The following CSNK1A1 variants were observed in gnomAD, a reference collection of about 807,000 sequenced individuals.
CSNK1A1 encodes the protein casein kinase I isoform alpha.
CSNK1A1 carries 7 observed loss-of-function variants against 46.1 expected under a neutral mutation model. That is an observed-to-expected ratio of 0.15 (90% CI 0.09 to 0.29). CSNK1A1 has a LOEUF of 0.29. Ranked by LOEUF, CSNK1A1 falls within the 10% of genes least tolerant of loss-of-function variation. The pLI is 1.00. For missense variants in CSNK1A1, 96 were observed against 417.1 expected (o/e 0.23, Z 6.71); for synonymous variants, 137 against 141.5 (o/e 0.97, Z 0.23).
chr5:149,512,201 A>T (rs969530510), intron 5 of CSNK1A1, among the ~76,000 whole-genome samples: 1 of 150,900 alleles, frequency 6.6e-6, no homozygotes, highest in Non-Finnish European at 1.5e-5. Context: ...GAAACTCATT[A>T]AAAAAAAACT....
chr5:149,529,657 G>A (rs766981157), intron 2 of CSNK1A1: 17 of 455,100 alleles, frequency 3.7e-5, no homozygotes, highest in African/African-American at 3.2e-4. Flanking sequence ...GAAGAGTCAA[G>A]GTGGCAGATA....
chr5:149,511,608 C>A (rs186012722), intron 6 of CSNK1A1, among the ~76,000 whole-genome samples, 186 bp downstream of exon 6: 23 of 152,264 alleles, frequency 1.5e-4, no homozygotes, highest in Admixed American at 1.1e-3. Flanking sequence ...TTCAGCTGAA[C>A]TAAGTTCTTA....
At chr5:149,526,836 T>C (rs1324967662) in intron 2 of CSNK1A1, among the ~76,000 whole-genome samples, 1 of 152,148 alleles carries the variant, frequency 6.6e-6, no homozygotes, top group East Asian at 1.9e-4. Flanking sequence ...ATAGGTCTCA[T>C]AGTCAGGTAT....
intron 4 of CSNK1A1, among the ~76,000 whole-genome samples, chr5:149,515,703 C>T (rs1210952399): frequency 6.6e-6 from 1 of 152,188 alleles, no homozygotes; most frequent in Non-Finnish European, 1.5e-5. Flanking sequence ...TAGTAGCTCT[C>T]TCTGTATGCT....
chr5:149,534,640 A>G lies in CSNK1A1; in HGVS notation c.231-9469T>C, dbSNP rs146529146. On this transcript the variant is annotated intron_variant, in intron 2 of 9. Coordinates refer to ENST00000377843, the MANE Select transcript of CSNK1A1 (RefSeq NM_001892.6). ...TTTACTGTGTCATTTCTCTGTTATAAAAACTAAAGGAGCCATGCGATAGCT... is the reference window on the plus strand; with the variant it reads ...TTTACTGTGTCATTTCTCTGTTATAGAAACTAAAGGAGCCATGCGATAGCT... 1.1e-3 allele frequency among the ~76,000 whole-genome samples: 164 copies of G among 152,126 alleles called. 1 individual carries two copies. The East Asian group carries it at 0.03, about 28-fold the overall frequency.
In CSNK1A1 at chr5:149,516,270, TCGCACCA is replaced by T. The variant is rs1170886805; in HGVS notation, c.457-3068_457-3062del. Among the ~76,000 whole-genome samples, 33 of 151,780 alleles carry T rather than the reference TCGCACCA, an allele frequency of 2.2e-4. 1 individual carries two copies. The highest frequency in any genetic ancestry group is 6.8e-4 in the African/African-American group (28 of 41,380). On this transcript the variant is annotated intron_variant, in intron 4 of 9. Coordinates refer to ENST00000377843, the MANE Select transcript of CSNK1A1 (RefSeq NM_001892.6). ...AGGTGGAAGTTGCAGTGGGCCAAGATCGCACCACTGCACTCTACACTCCTGCCTGGGC... is the reference window on the plus strand; with the variant it reads ...AGGTGGAAGTTGCAGTGGGCCAAGATCTGCACTCTACACTCCTGCCTGGGC...
intron 9 of CSNK1A1, chr5:149,500,901 AGG>A (rs1760835120): frequency 1.2e-6 from 1 of 806,538 alleles, no homozygotes; most frequent in Non-Finnish European, 1.5e-6. Flanking sequence ...TTTTAAGTAT[AGG>A]AGGTATACAC....
chr5:149,510,644 A>AT (rs973320239), intron 6 of CSNK1A1, among the ~76,000 whole-genome samples: 91 of 144,248 alleles, frequency 6.3e-4, no homozygotes, highest in South Asian at 2.2e-3. Context: ...ACACCCTGCT[A>AT]TTTTTTTTTT....
At chr5:149,501,429 C>G in intron 9 of CSNK1A1, 1 of 985,452 alleles carries the variant, frequency 1.0e-6, no homozygotes, top group Non-Finnish European at 1.2e-6. Context: ...ACATTCCTAG[C>G]AGCAATTGGT....
Position 149,525,363 on chromosome 5 carries a change from T to C in CSNK1A1, c.231-192A>G, listed in dbSNP as rs1004698790. 2.6e-5 allele frequency among the ~76,000 whole-genome samples: 4 copies of C among 152,088 alleles called. No homozygotes were observed. Among genetic ancestry groups the C allele is most frequent in the South Asian group, 2.1e-4 (1 of 4,816 alleles). ...ACAAGGGTAATGAGACTTTTTTTTT[T>C]CCCTGTCATGCAACTCCATTCTCCT... On this transcript the variant is annotated intron_variant, in intron 2 of 9. Coordinates refer to ENST00000377843, the MANE Select transcript of CSNK1A1 (RefSeq NM_001892.6). This position sits in a 1 kb window ranked among gnomAD's most constrained non-coding sequence, Gnocchi z 4.2.
In CSNK1A1 at chr5:149,550,893, C is replaced by T. The variant is rs766766571; in HGVS notation, c.72G>A (p.Gly24=). The T allele has an allele frequency of 6.2e-7, 1 of 1,614,160 alleles. No homozygotes were observed. The highest frequency in any genetic ancestry group is 8.5e-7 in the Non-Finnish European group (1 of 1,180,022). The part of the protein sequence containing the change: ...GGKYKLVRKI[G]SGSFGDIYLA... ...AATAGATGTCCCCGAAGGAGCCAGA[C>T]CCGATCTTCCGTACCAGTTTATATT... is the stretch of plus-strand genomic sequence containing the variant. The change falls in exon 1 of 10, where the codon GGG becomes GGA. Residue 24 remains glycine, a synonymous_variant. Transcript: ENST00000377843. The surrounding 1 kb of genome is among the most constrained non-coding windows in gnomAD (Gnocchi z 4.3).
chr5:149,520,881 A>AT (rs1167664321), intron 3 of CSNK1A1, among the ~76,000 whole-genome samples: 1 of 152,220 alleles, frequency 6.6e-6, no homozygotes, highest in Non-Finnish European at 1.5e-5. Flanking sequence ...AGATTAAGCT[A>AT]TAAGTAGTTG....
chr5:149,508,640 T>G (rs1761112864), intron 7 of CSNK1A1, among the ~76,000 whole-genome samples: 1 of 152,268 alleles, frequency 6.6e-6, no homozygotes, highest in Admixed American at 6.5e-5. Flanking sequence ...TCTGTATTCC[T>G]GTATTGTTGG....
chr5:149,506,302 T>C (rs953694466), intron 8 of CSNK1A1, among the ~76,000 whole-genome samples: 2 of 151,980 alleles, frequency 1.3e-5, no homozygotes, highest in African/African-American at 4.8e-5. Flanking sequence ...ACTGGGGGGA[T>C]CTCAGCTGAC....
At chr5:149,548,128 C>T (rs1762536361) in intron 2 of CSNK1A1, among the ~76,000 whole-genome samples, 1 of 152,056 alleles carries the variant, frequency 6.6e-6, no homozygotes, top group African/African-American at 2.4e-5. Context: ...GCCTTGGCCT[C>T]CCAAAGTGCT....
intron 3 of CSNK1A1, among the ~76,000 whole-genome samples, chr5:149,521,055 A>G (rs1162225907): frequency 6.6e-6 from 1 of 152,150 alleles, no homozygotes; most frequent in Non-Finnish European, 1.5e-5. Context: ...TGTCTTCCCC[A>G]ACTCACAGTA....
At chr5:149,521,562 C>T (rs571802290) in intron 3 of CSNK1A1, among the ~76,000 whole-genome samples, 1 of 152,022 alleles carries the variant, frequency 6.6e-6, no homozygotes, top group African/African-American at 2.4e-5. Flanking sequence ...GGTAGGATTA[C>T]AGGTGTGAAC....
intron 2 of CSNK1A1, among the ~76,000 whole-genome samples, chr5:149,532,384 T>TAA (rs879440683): frequency 7.0e-6 from 1 of 142,220 alleles, no homozygotes. Flanking sequence ...AGACTTAGTC[T>TAA]AAAAAAAAAA....
chr5:149,544,689 C>A (rs2895861), intron 2 of CSNK1A1, among the ~76,000 whole-genome samples: 40,446 of 140,914 alleles, frequency 0.29, 6,545 homozygotes, highest in East Asian at 0.64. Context: ...AGATCAACCC[C>A]TCTTCTTCCT....
Sources: gnomAD v4.1 joint callset for allele counts (sites outside exome capture counted in the v4.1 genomes callset) on GRCh38, gnomAD v4.1.1 for gene constraint, Gnocchi (gnomAD v3.1) non-coding constraint, MANE v1.5 for transcripts, NCBI Gene and HGNC (gene_info 2026-07-23, HGNC 2026-07-21) for gene names.